The following TKFC variants were observed in gnomAD, a reference collection of about 807,000 sequenced individuals.
TKFC encodes triokinase/FMN cyclase.
A neutral mutation model predicts 61.0 loss-of-function variants in TKFC; 46 were observed. The ratio of observed to expected loss-of-function variants is 0.75; its 90% confidence interval spans 0.60 to 0.96. The LOEUF is 0.96. TKFC is among the 50% of genes least tolerant of loss of function. The pLI is 0.00. For synonymous variants in TKFC, 314 were observed against 330.1 expected (o/e 0.95, Z 0.53); for missense variants, 715 against 777.5 (o/e 0.92, Z 0.96).
chr11:61,336,829 C>G (rs1172912746), intron 2 of TKFC, among the ~76,000 whole-genome samples: 1 of 152,176 alleles, frequency 6.6e-6, no homozygotes, highest in Non-Finnish European at 1.5e-5. Flanking sequence ...CTGCCTGTGG[C>G]CAGTCCTCTC....
intron 6 of TKFC, 126 bp downstream of exon 6, chr11:61,341,640 T>G (rs1214885395): frequency 1.6e-6 from 2 of 1,271,412 alleles, no homozygotes; most frequent in Non-Finnish European, 2.3e-6. Context: ...CTAGGGAGTG[T>G]ATCCCTGGGG....
Position 61,347,814 on chromosome 11 carries a change from C to T in TKFC, c.*1311C>T. On this transcript the variant is annotated 3_prime_UTR_variant, in exon 18 of 18. Coordinates refer to ENST00000394900, the MANE Select transcript of TKFC (RefSeq NM_015533.4). Reference sequence around the variant, plus strand: ...ATCTGTAAAATCAGAATGGTACCCACCTCATGGGGACATGAAAGGATTCAA... The same window carrying T: ...ATCTGTAAAATCAGAATGGTACCCATCTCATGGGGACATGAAAGGATTCAA... The T allele has an allele frequency of 1.0e-6, 1 of 973,158 alleles. No individual in the cohort carries two copies. Among genetic ancestry groups the T allele is most frequent in the Non-Finnish European group, 1.2e-6 (1 of 818,796 alleles). 60.3% of individuals were successfully genotyped at this position (973,158 alleles called of 1,614,324 possible).
chr11:61,346,507 G>A lies in TKFC; in HGVS notation c.*4G>A. On this transcript the variant is annotated 3_prime_UTR_variant, in exon 18 of 18. Coordinates refer to ENST00000394900, the MANE Select transcript of TKFC (RefSeq NM_015533.4). This position sits in a 1 kb window ranked among gnomAD's most constrained non-coding sequence, Gnocchi z 4.1. ...CTTGGAGGTCTTGCAGAGCTAGGGT[G>A]TGTGACTGCCTCCCTTGGCCTCAGC... The A allele has an allele frequency of 4.4e-6, 7 of 1,592,288 alleles. No individual in the cohort carries two copies. Among genetic ancestry groups the A allele is most frequent in the Non-Finnish European group, 5.1e-6 (6 of 1,168,832 alleles).
At chr11:61,339,028 C>A (rs1856735030) in intron 3 of TKFC, 38 bp from the exon 4 acceptor site, 7 of 1,581,642 alleles carry the variant, frequency 4.4e-6, no homozygotes, top group South Asian at 1.1e-5. Flanking sequence ...AGGCGCGAGT[C>A]CCACCCAGCA....
chr11:61,350,533 C>A, downstream of TKFC: 1 of 1,396,254 alleles, frequency 7.2e-7, no homozygotes, highest in Admixed American at 2.0e-5. Context: ...ATCCAAGCCA[C>A]CAAATCCCTC....
At chr11:61,338,660 T>G (rs1327517464) in intron 3 of TKFC, among the ~76,000 whole-genome samples, 1 of 152,204 alleles carries the variant, frequency 6.6e-6, no homozygotes, top group Non-Finnish European at 1.5e-5. Context: ...GAGCCCACTG[T>G]GTACCTGGCG....
At chr11:61,349,659 C>T, downstream of TKFC, 3 of 702,810 alleles carry the variant, frequency 4.3e-6, no homozygotes, top group South Asian at 4.4e-5. Context: ...AGAGGTGGAG[C>T]CGCACGGTCA....
chr11:61,334,941 G>A (rs897112564), intron 2 of TKFC, among the ~76,000 whole-genome samples: 1 of 152,118 alleles, frequency 6.6e-6, no homozygotes, highest in Non-Finnish European at 1.5e-5. Flanking sequence ...CCAGGCCTGG[G>A]GCTGCAGCCT....
chr11:61,345,190 G>T (rs1857059478), intron 13 of TKFC, 70 bp from the exon 14 acceptor site: 1 of 1,316,554 alleles, frequency 7.6e-7, no homozygotes. Flanking sequence ...AGCCTTCATT[G>T]GTGCTGGCTG....
chr11:61,346,313 A>T lies in TKFC; in HGVS notation c.1576-38A>T. On this transcript the variant is annotated intron_variant, in intron 17 of 17. Coordinates refer to ENST00000394900, the MANE Select transcript of TKFC (RefSeq NM_015533.4). The surrounding 1 kb of genome is among the most constrained non-coding windows in gnomAD (Gnocchi z 4.1). ...ATGGCAGGAAGGAGGCGGCCTGGTG[A>T]TCTGCCCTTGAACCTGCTCCCACAC... 6.2e-7 allele frequency: 1 copy of T among 1,610,212 alleles called. No individual in the cohort carries two copies. Among genetic ancestry groups the T allele is most frequent in the Non-Finnish European group, 8.5e-7 (1 of 1,179,912 alleles).
downstream of TKFC, chr11:61,353,090 A>G: frequency 6.2e-7 from 1 of 1,613,816 alleles, no homozygotes; most frequent in Non-Finnish European, 8.5e-7. Context: ...GAGGCTGCGC[A>G]GCCACATGGA....
Position 61,334,749 on chromosome 11 carries a change from G to C in TKFC, c.3+18G>C. 1 of 1,614,044 alleles carries C rather than the reference G, an allele frequency of 6.2e-7. No individual in the cohort carries two copies. Among genetic ancestry groups the C allele is most frequent in the African/African-American group, 1.3e-5 (1 of 75,046 alleles). The stretch of plus-strand genomic sequence containing the variant: ...ACACCATGGTGAGTCATACAGGGCC[G>C]GGACGGGAATGGCAGCATGGTCTCA... On this transcript the variant is annotated intron_variant, in intron 2 of 17. Transcript: ENST00000394900.
Position 61,337,947 on chromosome 11 carries a change from A to C in TKFC, c.10A>C (p.Lys4Gln), listed in dbSNP as rs1168978677. ...TCTCACTCCTCCCTTGCAGACCTCC[A>C]AGAAGCTGGTGAACTCGGTGGCTGG... Reference protein sequence around the residue: MTSKKLVNSVAGCA... With the variant: MTSQKLVNSVAGCA... The change falls in exon 3 of 18, where the codon AAG becomes CAG. Residue 4 changes from lysine to glutamine, a missense_variant. By Grantham distance (53) the Lys-to-Gln change is moderately conservative. Transcript: ENST00000394900. 2.1e-5 allele frequency: 34 copies of C among 1,606,052 alleles called. No homozygotes were observed. Among genetic ancestry groups the C allele is most frequent in the Non-Finnish European group, 2.9e-5 (34 of 1,176,754 alleles).
intron 10 of TKFC, 87 bp downstream of exon 10, chr11:61,342,931 C>G: frequency 3.0e-6 from 4 of 1,348,574 alleles, no homozygotes; most frequent in Admixed American, 1.9e-5. Context: ...ACGGACTGTG[C>G]GTCAGATAAG....
At chr11:61,353,162 AC>A (rs1392271315), downstream of TKFC, 11 of 1,581,896 alleles carry the variant, frequency 7.0e-6, no homozygotes, top group Non-Finnish European at 9.4e-6. Flanking sequence ...GGGAGGACAC[AC>A]CCGACTGTGC....
rs1317850857 is a variant in TKFC at position 61,349,217 on chromosome 11, C to G, written c.*2714C>G. 1.0e-5 allele frequency: 3 copies of G among 287,092 alleles called. No homozygotes were observed. Among genetic ancestry groups the G allele is most frequent in the Non-Finnish European group, 2.1e-5 (3 of 143,604 alleles). The allele number at this position is 287,092 out of a possible 1,614,324, so 17.8% of individuals were successfully genotyped here. ...CCTCCCCTGAAGAAGAGCAACAGCT[C>G]AAGCTCTAGCATGGCACAGAACGCT... On this transcript the variant is annotated 3_prime_UTR_variant, in exon 18 of 18. Transcript: ENST00000394900.
downstream of TKFC, chr11:61,349,515 A>G: frequency 1.4e-6 from 1 of 702,614 alleles, no homozygotes. Flanking sequence ...ACTCATCGCT[A>G]CTGGGACATC....
intron 7 of TKFC, 29 bp downstream of exon 7, chr11:61,341,941 T>C (rs745641149): frequency 1.9e-6 from 3 of 1,597,446 alleles, no homozygotes; most frequent in Non-Finnish European, 2.6e-6. Flanking sequence ...ATCCCAGCCC[T>C]GCCTGCTCCT....
chr11:61,346,862 C>A lies in TKFC; in HGVS notation c.*359C>A. 1 of 1,037,570 alleles carries A rather than the reference C, an allele frequency of 9.6e-7. No homozygotes were observed. The highest frequency in any genetic ancestry group is 1.2e-6 in the Non-Finnish European group (1 of 863,742). 64.3% of individuals were successfully genotyped at this position (1,037,570 alleles called of 1,614,324 possible). On this transcript the variant is annotated 3_prime_UTR_variant, in exon 18 of 18. Coordinates refer to ENST00000394900, the MANE Select transcript of TKFC (RefSeq NM_015533.4). The surrounding 1 kb of genome is among the most constrained non-coding windows in gnomAD (Gnocchi z 4.1). ...GACTCCCTGTGAAATGCTTTCCGCA[C>A]CTTAACCCCAGTGAGCGTGAAAAAG...
Sources: allele counts gnomAD v4.1 joint callset (sites outside exome capture counted in the v4.1 genomes callset), GRCh38; gene constraint gnomAD v4.1.1; non-coding constraint Gnocchi (gnomAD v3.1); transcripts MANE v1.5; gene names NCBI Gene and HGNC (gene_info 2026-07-23, HGNC 2026-07-21).